The following KHDC1 variants were observed in gnomAD, a reference collection of about 807,000 sequenced individuals.
KHDC1 encodes the protein KH domain containing 1.
In KHDC1, 21 loss-of-function variants were observed where a neutral mutation model predicts 24.7. The ratio of observed to expected loss-of-function variants is 0.85; its 90% confidence interval spans 0.60 to 1.23. The LOEUF (loss-of-function observed/expected upper bound fraction) is 1.23, where lower values mean the gene tolerates loss of function less well. KHDC1 is among the 50% of genes most tolerant of loss of function. The pLI, the probability that KHDC1 is intolerant of heterozygous loss-of-function variation, is 0.00. For synonymous variants in KHDC1, 98 were observed against 111.7 expected, an observed-to-expected ratio of 0.88 and a Z score of 0.77; for missense variants, 274 against 298.5, an observed-to-expected ratio of 0.92 and a Z score of 0.61.
At chr6:73,261,903 C>T (rs1242266859) in intron 2 of KHDC1, among the ~76,000 whole-genome samples, 2 of 148,650 alleles carry the variant, frequency 1.3e-5, no homozygotes, top group African/African-American at 5.0e-5. Flanking sequence ...CAGAGCAAGA[C>T]TCCATCTCAA....
intron 1 of KHDC1, among the ~76,000 whole-genome samples, chr6:73,303,070 C>G (rs1767905033): frequency 6.6e-6 from 1 of 152,152 alleles, no homozygotes; most frequent in Admixed American, 6.5e-5. Flanking sequence ...GAGTGAGACT[C>G]TGCCCCAAAA....
chr6:73,282,891 G>A (rs1318524838), intron 2 of KHDC1, among the ~76,000 whole-genome samples: 13 of 152,190 alleles, frequency 8.5e-5, no homozygotes, highest in African/African-American at 2.9e-4. Flanking sequence ...AGACAGATTT[G>A]AGTAATGATA....
At chr6:73,258,090 T>C (rs547463464) in intron 2 of KHDC1, among the ~76,000 whole-genome samples, 1 of 152,246 alleles carries the variant, frequency 6.6e-6, no homozygotes, top group Admixed American at 6.5e-5. Flanking sequence ...ACTCTGTCTC[T>C]ACTAAAATAC....
intron 2 of KHDC1, among the ~76,000 whole-genome samples, chr6:73,244,527 G>T (rs184491183): frequency 6.6e-6 from 1 of 152,052 alleles, no homozygotes; most frequent in Non-Finnish European, 1.5e-5. Context: ...AAGAAAATCT[G>T]CCTTTTGAAG....
chr6:73,252,691 C>CCT (rs1478395448), intron 2 of KHDC1, among the ~76,000 whole-genome samples: 1 of 152,046 alleles, frequency 6.6e-6, no homozygotes, highest in African/African-American at 2.4e-5. Context: ...GTGGCTCACG[C>CCT]CTGTAGTCCC....
exon 1 of KHDC1, chr6:73,309,801 A>G (rs1387695810): frequency 4.8e-6 from 7 of 1,462,654 alleles, no homozygotes; most frequent in Non-Finnish European, 9.1e-7. Context: ...GCCGGCGGGA[A>G]GAGACCAGAC....
chr6:73,246,717 A>T (rs183916664), intron 2 of KHDC1, among the ~76,000 whole-genome samples: 202 of 152,164 alleles, frequency 1.3e-3, no homozygotes, highest in African/African-American at 4.1e-3. Flanking sequence ...ACCTAAAAAA[A>T]TTTTTTTTCT....
At chr6:73,279,408 A>C (rs1009197042) in intron 2 of KHDC1, among the ~76,000 whole-genome samples, 1 of 152,074 alleles carries the variant, frequency 6.6e-6, no homozygotes, top group East Asian at 1.9e-4. Context: ...AAAAAATAAA[A>C]ATGAAAATAA....
intron 1 of KHDC1, among the ~76,000 whole-genome samples, chr6:73,306,059 G>A (rs896965773): frequency 7.9e-5 from 12 of 152,066 alleles, no homozygotes; most frequent in East Asian, 1.9e-4. Context: ...TTTTTATTGC[G>A]GAAATGTTAA....
At position 73,277,988 on chromosome 6, in the gene KHDC1, T is replaced by TTC. The variant is rs70994181; in HGVS notation, c.206+14008_206+14009dup. Reference sequence around the variant, plus strand: ...CATTTGTGTTTCTTTTGTAGATGCTTTCTCTCTCTCTCTCTCGGGTGTTTT... The same window carrying TTC: ...CATTTGTGTTTCTTTTGTAGATGCTTTCTCTCTCTCTCTCTCTCGGGTGTTTT... On this transcript the variant is annotated intron_variant, in intron 2 of 4. Transcript: ENST00000370384. Among the ~76,000 whole-genome samples, 517 of 111,642 alleles carry TTC rather than the reference T, an allele frequency of 4.6e-3. 1 individual carries two copies. Among genetic ancestry groups the TTC allele is most frequent in the African/African-American group, 0.015 (417 of 28,168 alleles). 73.2% of individuals were successfully genotyped at this position (111,642 alleles called of 152,430 possible). A position where few individuals can be genotyped will look rare whatever the true frequency, so the allele number is the denominator to read the frequency against.
At chr6:73,306,706 CTA>C (rs1452926067) in intron 1 of KHDC1, among the ~76,000 whole-genome samples, 4 of 152,034 alleles carry the variant, frequency 2.6e-5, no homozygotes, top group African/African-American at 9.7e-5. Context: ...GAGTTGAAGA[CTA>C]TTTAGAAAAT....
intron 2 of KHDC1, among the ~76,000 whole-genome samples, chr6:73,281,069 C>T (rs556114641): frequency 2.0e-4 from 30 of 152,026 alleles, no homozygotes; most frequent in African/African-American, 7.2e-4. Context: ...ATTAGCCTGG[C>T]ATGGTGGTGC....
intron 2 of KHDC1, among the ~76,000 whole-genome samples, chr6:73,271,556 T>C (rs181244826): frequency 4.9e-4 from 74 of 152,060 alleles, no homozygotes; most frequent in African/African-American, 1.6e-3. Context: ...ATAAGAAACA[T>C]GTATGATGCA....
chr6:73,254,130 T>G (rs1766833908), intron 2 of KHDC1, among the ~76,000 whole-genome samples: 1 of 151,970 alleles, frequency 6.6e-6, no homozygotes, highest in Admixed American at 6.6e-5. Flanking sequence ...AGGAGGGCAT[T>G]CGTAAGAATG....
chr6:73,241,420 C>G, exon 5 of KHDC1: 2 of 1,010,200 alleles, frequency 2.0e-6, no homozygotes, highest in Non-Finnish European at 3.1e-6. Flanking sequence ...AGGGACAGGT[C>G]CCGGCCACAA....
In KHDC1 at chr6:73,307,901, GTTGT is replaced by G. The variant is rs368336579; in HGVS notation, c.163+1647_163+1650del. On this transcript the variant is annotated intron_variant, in intron 1 of 4. Transcript: ENST00000370384. ...GGGGTAGGCGACAGAGTTTGTTGTT[GTTGT>G]TTGTTTGTTTTTGAGACAGAGTCTC... 2.9e-3 allele frequency among the ~76,000 whole-genome samples: 440 copies of G among 151,960 alleles called. 4 individuals are homozygous for G. Among genetic ancestry groups the G allele is most frequent in the African/African-American group, 9.8e-3 (405 of 41,464 alleles).
intron 2 of KHDC1, among the ~76,000 whole-genome samples, chr6:73,283,327 G>GT (rs71540382): frequency 0.015 from 2,270 of 146,900 alleles, 38 homozygotes; most frequent in African/African-American, 0.039. Context: ...AGTGTTACTA[G>GT]TTTTTTTTTT....
intron 1 of KHDC1, among the ~76,000 whole-genome samples, chr6:73,304,156 G>A (rs1293613219): frequency 6.6e-6 from 1 of 151,826 alleles, no homozygotes; most frequent in Non-Finnish European, 1.5e-5. Context: ...ACCAGCCTAG[G>A]TGACAGAGCA....
At chr6:73,288,904 G>T (rs970276217) in intron 2 of KHDC1, among the ~76,000 whole-genome samples, 1 of 151,644 alleles carries the variant, frequency 6.6e-6, no homozygotes, top group South Asian at 2.1e-4. Flanking sequence ...CCTAGTAGAC[G>T]GTCTTAAAGT....
Sources: gnomAD v4.1 joint callset for allele counts (sites outside exome capture counted in the v4.1 genomes callset) on GRCh38, gnomAD v4.1.1 for gene constraint, MANE v1.5 for transcripts, NCBI Gene and HGNC (gene_info 2026-07-23, HGNC 2026-07-21) for gene names.